XPO6: variants seen among roughly 807,000 people sequenced by gnomAD.
The protein encoded by XPO6 is exportin-6.
XPO6 carries 3 observed loss-of-function variants against 130.0 expected under a neutral mutation model. The observed-to-expected ratio is 0.02, with a 90% CI of 0.01 to 0.06. The LOEUF (loss-of-function observed/expected upper bound fraction) is 0.06. Among genes scored for constraint, XPO6 ranks in the 10% least tolerant of loss-of-function variants. The pLI, the probability that XPO6 is intolerant of heterozygous loss-of-function variation, is 1.00. For missense variants in XPO6, 970 were observed against 1,393.0 expected, an observed-to-expected ratio of 0.70 and a Z score of 4.83; for synonymous variants, 524 against 548.9, an observed-to-expected ratio of 0.95 and a Z score of 0.63.
chr16:28,208,244 GTCT>G (rs1350144918), intron 1 of XPO6, among the ~76,000 whole-genome samples: 2 of 152,224 alleles, frequency 1.3e-5, no homozygotes, highest in Non-Finnish European at 2.9e-5. Context: ...CCACTTTCAA[GTCT>G]TATTAGAGTT....
intron 17 of XPO6, among the ~76,000 whole-genome samples, chr16:28,108,737 C>G (rs914235404): frequency 1.3e-5 from 2 of 152,202 alleles, no homozygotes; most frequent in African/African-American, 4.8e-5. Flanking sequence ...TCCCCCGAAC[C>G]CCAGTGCTCA....
chr16:28,107,694 G>A lies in XPO6; in HGVS notation c.2342-17C>T, dbSNP rs1048804759. 1.7e-5 allele frequency: 27 copies of A among 1,612,950 alleles called. No individual in the cohort carries two copies. Among genetic ancestry groups the A allele is most frequent in the Non-Finnish European group, 2.0e-5 (24 of 1,179,682 alleles). On this transcript the variant is annotated splice_polypyrimidine_tract_variant and intron_variant, in intron 17 of 23. Coordinates refer to ENST00000304658, the MANE Select transcript of XPO6 (RefSeq NM_015171.4). ...TCAGTTTGGCTGCAAATCAAGATGA[G>A]TTGCAGGTTATAAGCTGTCTGGGGA...
intron 12 of XPO6, among the ~76,000 whole-genome samples, chr16:28,127,872 G>C (rs2042592554): frequency 6.6e-6 from 1 of 152,190 alleles, no homozygotes; most frequent in African/African-American, 2.4e-5. Flanking sequence ...CAAATCACCT[G>C]GTCCTGCCTC....
chr16:28,147,491 C>T (rs2043005310), intron 8 of XPO6, among the ~76,000 whole-genome samples: 1 of 152,078 alleles, frequency 6.6e-6, no homozygotes, highest in African/African-American at 2.4e-5. Context: ...CAAATTCCAA[C>T]TTCACGACCC....
intron 9 of XPO6, among the ~76,000 whole-genome samples, chr16:28,136,421 T>C (rs7200293): frequency 0.58 from 87,503 of 151,990 alleles, 27,524 homozygotes; most frequent in South Asian, 0.72. Flanking sequence ...GATTTCGCCA[T>C]GTTGGCCAGA....
At chr16:28,196,038 C>T (rs1479117918) in intron 1 of XPO6, among the ~76,000 whole-genome samples, 1 of 152,178 alleles carries the variant, frequency 6.6e-6, no homozygotes, top group Non-Finnish European at 1.5e-5. Flanking sequence ...AATGTGCTGC[C>T]TGCCATTCAC....
chr16:28,207,692 G>A (rs1247612133), intron 1 of XPO6, among the ~76,000 whole-genome samples: 2 of 152,158 alleles, frequency 1.3e-5, no homozygotes, highest in African/African-American at 4.8e-5. Context: ...AGCACCCAAA[G>A]AGCACAGGCT....
In XPO6 at chr16:28,190,222, T is replaced by C. The variant is rs935526199; in HGVS notation, c.4-9191A>G. ...GGAGAGGTGCACCAGTTTCTTTCTT[T>C]ATTTTTTTTTTTTTTTGAGACTGAG... is the stretch of plus-strand genomic sequence containing the variant. On this transcript the variant is annotated intron_variant, in intron 1 of 23. Transcript: ENST00000304658. Among the ~76,000 whole-genome samples, 6 of 148,042 alleles carry C rather than the reference T, an allele frequency of 4.1e-5. No individual in the cohort carries two copies. The East Asian group carries it at 1.2e-3, about 29-fold the overall frequency.
At chr16:28,156,765 C>T (rs752226097) in intron 6 of XPO6, among the ~76,000 whole-genome samples, 11 of 152,204 alleles carry the variant, frequency 7.2e-5, no homozygotes, top group Non-Finnish European at 1.6e-4. Flanking sequence ...GATCTGGATA[C>T]AATCTTTAGT....
At chr16:28,117,137 T>C (rs967542480) in intron 15 of XPO6, 181 bp downstream of exon 15, 4 of 726,152 alleles carry the variant, frequency 5.5e-6, no homozygotes, top group African/African-American at 3.5e-5. Flanking sequence ...AAAAGTAAAG[T>C]TGTATCTGAA....
At chr16:28,194,595 C>T (rs1330057206) in intron 1 of XPO6, among the ~76,000 whole-genome samples, 1 of 152,168 alleles carries the variant, frequency 6.6e-6, no homozygotes, top group Non-Finnish European at 1.5e-5. Flanking sequence ...TGTGACACCT[C>T]CAAGAATCCC....
chr16:28,184,107 G>A (rs761386595), intron 1 of XPO6, among the ~76,000 whole-genome samples: 26 of 152,164 alleles, frequency 1.7e-4, no homozygotes, highest in Non-Finnish European at 3.5e-4. Context: ...AATACTCCAA[G>A]CAGATTACAC....
intron 2 of XPO6, among the ~76,000 whole-genome samples, chr16:28,178,253 C>G (rs943592100): frequency 5.3e-5 from 8 of 152,080 alleles, no homozygotes; most frequent in African/African-American, 1.7e-4. Flanking sequence ...AAGCTAAATG[C>G]AACGACGCAG....
intron 16 of XPO6, 141 bp downstream of exon 16, chr16:28,112,763 G>A (rs1446115132): frequency 1.2e-5 from 13 of 1,099,228 alleles, no homozygotes; most frequent in Non-Finnish European, 1.5e-5. Context: ...CTGTGTCAGT[G>A]CCACACAATA....
At chr16:28,118,655 C>T (rs1192510514) in intron 14 of XPO6, among the ~76,000 whole-genome samples, 2 of 152,194 alleles carry the variant, frequency 1.3e-5, no homozygotes, top group Non-Finnish European at 2.9e-5. Flanking sequence ...CTGCACCGGC[C>T]TAGCCTGTTA....
intron 4 of XPO6, among the ~76,000 whole-genome samples, chr16:28,170,601 A>C (rs536761965): frequency 6.6e-6 from 1 of 152,266 alleles, no homozygotes; most frequent in South Asian, 2.1e-4. Context: ...AAGATGTGTA[A>C]ATCAATTTGT....
chr16:28,133,733 C>G, intron 11 of XPO6, 108 bp downstream of exon 11: 1 of 955,936 alleles, frequency 1.0e-6, no homozygotes, highest in South Asian at 1.6e-5. Flanking sequence ...TTAAAAATTA[C>G]ATAGAGGGGA....
Position 28,142,757 on chromosome 16 carries a change from G to C in XPO6, c.1334+3337C>G, listed in dbSNP as rs1190634317. Among the ~76,000 whole-genome samples the C allele has an allele frequency of 7.9e-5, 12 of 152,268 alleles. No individual in the cohort carries two copies. In the East Asian group the frequency reaches 2.1e-3, roughly 27 times the overall value. ...GGATAATTTTTGTATTTTTTGTACA[G>C]ACAGAGTCTTGCTATGTTGCCCAGG... is the stretch of plus-strand genomic sequence containing the variant. On this transcript the variant is annotated intron_variant, in intron 9 of 23. Coordinates refer to ENST00000304658, the MANE Select transcript of XPO6 (RefSeq NM_015171.4).
In XPO6 at chr16:28,146,220, A is replaced by G; in HGVS notation, c.1225-17T>C. 2 of 1,549,126 alleles carry G rather than the reference A, an allele frequency of 1.3e-6. No homozygotes were observed. The highest frequency in any genetic ancestry group is 2.2e-5 in the South Asian group (2 of 89,678). ...ATGAGTAGGCTATGGTACAAAAAAA[A>G]TCCAGACAATGAAATTATTTAATGC... On this transcript the variant is annotated splice_polypyrimidine_tract_variant and intron_variant, in intron 8 of 23. Coordinates refer to ENST00000304658, the MANE Select transcript of XPO6 (RefSeq NM_015171.4).
Sources: allele counts gnomAD v4.1 joint callset (sites outside exome capture counted in the v4.1 genomes callset), GRCh38; gene constraint gnomAD v4.1.1; transcripts MANE v1.5; gene names NCBI Gene and HGNC (gene_info 2026-07-23, HGNC 2026-07-21).